LCP2: variants seen among roughly 807,000 people sequenced by gnomAD.
LCP2 encodes 76 kDa tyrosine phosphoprotein.
A neutral mutation model predicts 74.5 loss-of-function variants in LCP2; 29 were observed. That is an observed-to-expected ratio of 0.39 (90% CI 0.29 to 0.53). The LOEUF (loss-of-function observed/expected upper bound fraction) is 0.53, where lower values mean the gene tolerates loss of function less well. Ranked by LOEUF, LCP2 falls within the 20% of genes least tolerant of loss-of-function variation. LCP2 has a pLI of 0.72. For missense variants in LCP2, 604 were observed against 634.6 expected, an observed-to-expected ratio of 0.95 and a Z score of 0.52; for synonymous variants, 228 against 229.5, an observed-to-expected ratio of 0.99 and a Z score of 0.06.
chr5:170,290,599 C>A (rs1234547227), intron 2 of LCP2, among the ~76,000 whole-genome samples: 1 of 152,190 alleles, frequency 6.6e-6, no homozygotes, highest in African/African-American at 2.4e-5. Flanking sequence ...AGATATGATG[C>A]CTAAAGGTGG....
In LCP2 at chr5:170,248,526, A is replaced by C. The variant is rs1312031021; in HGVS notation, c.*171T>G. 1.5e-5 allele frequency: 10 copies of C among 668,670 alleles called. No homozygotes were observed. The highest frequency in any genetic ancestry group is 2.6e-5 in the Non-Finnish European group (10 of 383,416). The allele number at this position is 668,670 out of a possible 1,614,324, so 41.4% of individuals were successfully genotyped here. A position where few individuals can be genotyped will look rare whatever the true frequency, so the allele number is the denominator to read the frequency against. On this transcript the variant is annotated 3_prime_UTR_variant, in exon 21 of 21. Coordinates refer to ENST00000046794, the MANE Select transcript of LCP2 (RefSeq NM_005565.5). ...TGAAGAAGAATAAATAAATTATGGG[A>C]TAGTTGACAGTCTTCATTTCAAACA... is the stretch of plus-strand genomic sequence containing the variant.
chr5:170,267,263 G>A, intron 8 of LCP2, 188 bp from the exon 9 acceptor site: 1 of 614,952 alleles, frequency 1.6e-6, no homozygotes, highest in Non-Finnish European at 2.9e-6. Context: ...ACTCTGCCAC[G>A]CAAGCTCTTT....
Position 170,275,757 on chromosome 5 carries a change from T to C in LCP2, c.254+38A>G, listed in dbSNP as rs143127189. The C allele has an allele frequency of 2.1e-4, 318 of 1,532,110 alleles. No homozygotes were observed. In the African/African-American group the frequency reaches 4.0e-3, roughly 19 times the overall value. The allele number at this position is 1,532,110 out of a possible 1,614,324, so 94.9% of individuals were successfully genotyped here. A position where few individuals can be genotyped will look rare whatever the true frequency, so the allele number is the denominator to read the frequency against. Reference sequence around the variant, plus strand: ...TCCCTTTTAAGGTTCAACTCGGGACTGAAAAATCTTGCGTTTCCTTACACC... The same window carrying C: ...TCCCTTTTAAGGTTCAACTCGGGACCGAAAAATCTTGCGTTTCCTTACACC... On this transcript the variant is annotated intron_variant, in intron 4 of 20. Transcript: ENST00000046794.
At chr5:170,262,364 A>G (rs1761669452) in intron 13 of LCP2, among the ~76,000 whole-genome samples, 1 of 152,216 alleles carries the variant, frequency 6.6e-6, no homozygotes, top group African/African-American at 2.4e-5. Context: ...TCAATGAAAT[A>G]TTTGACTGGA....
intron 3 of LCP2, among the ~76,000 whole-genome samples, chr5:170,278,602 C>T (rs527656350): frequency 3.9e-5 from 6 of 152,026 alleles, no homozygotes; most frequent in African/African-American, 9.7e-5. Flanking sequence ...ATGACTTGAG[C>T]GAGGTGGGAC....
rs375070976 is a variant in LCP2 at position 170,247,494 on chromosome 5, TG to T, written c.*1202del. 256 of 152,344 alleles carry T rather than the reference TG, an allele frequency of 1.7e-3. No homozygotes were observed. Among genetic ancestry groups the T allele is most frequent in the African/African-American group, 5.9e-3 (246 of 41,580 alleles). The allele number at this position is 152,344 out of a possible 1,614,324, so 9.4% of individuals were successfully genotyped here. On this transcript the variant is annotated 3_prime_UTR_variant, in exon 21 of 21. Coordinates refer to ENST00000046794, the MANE Select transcript of LCP2 (RefSeq NM_005565.5). ...TAGATTAAGCAGAGACGCCAAAAAT[TG>T]TTGCTAATAAAAGTTGTGCAATAAC...
chr5:170,279,335 T>C (rs59705297), intron 3 of LCP2, among the ~76,000 whole-genome samples: 4,871 of 152,158 alleles, frequency 0.032, 263 homozygotes, highest in African/African-American at 0.11. Flanking sequence ...CAGTCTAAGG[T>C]CTCTCCTGGT....
At chr5:170,289,671 T>TTCTTTCCTTCTTTCTTTC (rs1554141414) in intron 2 of LCP2, among the ~76,000 whole-genome samples, 5 of 84,124 alleles carry the variant, frequency 5.9e-5, no homozygotes, top group African/African-American at 2.2e-4. Flanking sequence ...CTTTCTTTCT[T>TTCTTTCCTTCTTTCTTTC]TCTCTCTCTC....
Position 170,258,047 on chromosome 5 carries a change from A to C in LCP2, c.1090T>G (p.Phe364Val). ...PLPSSHMPGA[F>V]SESNSSFPQS... is the part of the protein sequence containing the mutation. Reference sequence around the variant, plus strand: ...GACAGAGCTACAAACCTTTCTGAGAATGCTCCAGGCATGTGAGAGGATGGG... The same window carrying C: ...GACAGAGCTACAAACCTTTCTGAGACTGCTCCAGGCATGTGAGAGGATGGG... Residue 364 changes from phenylalanine (F) to valine (V), a missense_variant, in exon 16 of 21, where the codon TTC (phenylalanine) becomes GTC (valine). Transcript: ENST00000046794. The C allele has an allele frequency of 6.2e-7, 1 of 1,613,990 alleles. No individual in the cohort carries two copies. Among genetic ancestry groups the C allele is most frequent in the Non-Finnish European group, 8.5e-7 (1 of 1,179,844 alleles).
Position 170,246,361 on chromosome 5 carries a change from C to T in LCP2, c.*2336G>A. ...CTTTAGCTTATGCTTGAATTTGGCT[C>T]AGGTTGAAAGAGAGCTACTAAATTA... On this transcript the variant is annotated 3_prime_UTR_variant, in exon 21 of 21. Transcript: ENST00000046794. The T allele has an allele frequency of 3.4e-6, 1 of 291,962 alleles. No individual in the cohort carries two copies. Among genetic ancestry groups the T allele is most frequent in the South Asian group, 8.1e-5 (1 of 12,280 alleles). 18.1% of individuals were successfully genotyped at this position (291,962 alleles called of 1,614,324 possible). A position where few individuals can be genotyped will look rare whatever the true frequency, so the allele number is the denominator to read the frequency against.
chr5:170,275,377 A>T, intron 4 of LCP2, 26 bp from the exon 5 acceptor site: 1 of 1,613,750 alleles, frequency 6.2e-7, no homozygotes, highest in Non-Finnish European at 8.5e-7. Flanking sequence ...GCACTGCATT[A>T]ATGGTCTTCT....
intron 2 of LCP2, among the ~76,000 whole-genome samples, chr5:170,289,617 T>TTTTCTTTCTTTCTTTCTTTC (rs70979169): frequency 4.1e-5 from 5 of 122,230 alleles, no homozygotes; most frequent in East Asian, 4.8e-4. Context: ...CTTTCTTTCT[T>TTTTCTTTCTTTCTTTCTTTC]TTTCTTTCTT....
Position 170,246,234 on chromosome 5 carries a change from T to C in LCP2, c.*2463A>G, listed in dbSNP as rs1761287005. 1.2e-6 allele frequency: 1 copy of C among 836,092 alleles called. No individual in the cohort carries two copies. The allele number at this position is 836,092 out of a possible 1,614,324, so 51.8% of individuals were successfully genotyped here. ...AATAAAAATAATGTAAACAAGCAGTTCATGTTCTTGAAGGCTGTTTAATGT... is the reference window on the plus strand; with the variant it reads ...AATAAAAATAATGTAAACAAGCAGTCCATGTTCTTGAAGGCTGTTTAATGT... On this transcript the variant is annotated 3_prime_UTR_variant, in exon 21 of 21. Transcript: ENST00000046794.
chr5:170,297,472 G>A (rs1762410590), intron 1 of LCP2, 62 bp downstream of exon 1: 1 of 1,442,570 alleles, frequency 6.9e-7, no homozygotes, highest in Non-Finnish European at 9.6e-7. Context: ...CCATCGTCAA[G>A]CCTCAGCTCA....
intron 3 of LCP2, among the ~76,000 whole-genome samples, chr5:170,281,234 G>A (rs1209822320): frequency 6.6e-6 from 1 of 152,060 alleles, no homozygotes; most frequent in Non-Finnish European, 1.5e-5. Context: ...GACAGGGGAG[G>A]ACCATGTTGG....
chr5:170,262,895 A>C (rs781666981), intron 11 of LCP2, 34 bp from the exon 12 acceptor site: 1 of 1,614,088 alleles, frequency 6.2e-7, no homozygotes, highest in South Asian at 1.1e-5. Flanking sequence ...ATGAGTGTCC[A>C]AGCACTTTTC....
intron 1 of LCP2, among the ~76,000 whole-genome samples, chr5:170,296,615 G>T (rs191656086): frequency 6.6e-6 from 1 of 152,204 alleles, no homozygotes; most frequent in Non-Finnish European, 1.5e-5. Context: ...AAGCTTAACC[G>T]TCTCGCACAA....
At chr5:170,296,476 C>A (rs967235721) in intron 1 of LCP2, among the ~76,000 whole-genome samples, 1 of 152,184 alleles carries the variant, frequency 6.6e-6, no homozygotes, top group Non-Finnish European at 1.5e-5. Context: ...TCTTGAATCT[C>A]AATTTCCCCA....
chr5:170,274,917 C>T (rs1342816353), intron 5 of LCP2, among the ~76,000 whole-genome samples: 1 of 149,302 alleles, frequency 6.7e-6, no homozygotes, highest in African/African-American at 2.5e-5. Flanking sequence ...GCAGAGCTTG[C>T]AGTGAGCCGA....
Sources: gnomAD v4.1 joint callset for allele counts (sites outside exome capture counted in the v4.1 genomes callset) on GRCh38, gnomAD v4.1.1 for gene constraint, MANE v1.5 for transcripts, NCBI Gene and HGNC (gene_info 2026-07-23, HGNC 2026-07-21) for gene names.